The following NLGN1 variants were observed in gnomAD, a reference collection of about 807,000 sequenced individuals.
NLGN1 encodes the protein neuroligin 1, also known as neuroligin-1.
NLGN1 carries 12 observed loss-of-function variants against 65.5 expected under a neutral mutation model. That is an observed-to-expected ratio of 0.18 (90% CI 0.12 to 0.30). The LOEUF is 0.30. NLGN1 is among the 10% of genes least tolerant of loss of function. The pLI is 1.00. For missense variants in NLGN1, 750 were observed against 1,007.1 expected, an observed-to-expected ratio of 0.74 and a Z score of 3.46; for synonymous variants, 350 against 359.5, an observed-to-expected ratio of 0.97 and a Z score of 0.30.
chr3:174,287,499 A>G (rs1245478628), downstream of NLGN1, among the ~76,000 whole-genome samples: 1 of 151,564 alleles, frequency 6.6e-6, no homozygotes, highest in Non-Finnish European at 1.5e-5. Context: ...GTGTTGTTTG[A>G]TATGATTACT....
At chr3:174,078,732 C>T (rs1169909727) in intron 4 of NLGN1, among the ~76,000 whole-genome samples, 1 of 152,068 alleles carries the variant, frequency 6.6e-6, no homozygotes, top group African/African-American at 2.4e-5. Flanking sequence ...CTGTTTTACG[C>T]CATAGTCTCT....
intron 4 of NLGN1, among the ~76,000 whole-genome samples, chr3:173,998,062 A>C (rs755371782): frequency 3.3e-5 from 5 of 152,154 alleles, no homozygotes; most frequent in Admixed American, 6.6e-5. Flanking sequence ...TAACCTTCAC[A>C]GTCTGCAAAA....
chr3:174,292,756 G>A, the NLGN1 span, among the ~76,000 whole-genome samples: 3 of 151,472 alleles, frequency 2.0e-5, no homozygotes, highest in East Asian at 5.8e-4. Flanking sequence ...CAATGAATCA[G>A]TGGATCTAGG....
At chr3:173,570,640 C>T in intron 2 of NLGN1, among the ~76,000 whole-genome samples, 1 of 152,096 alleles carries the variant, frequency 6.6e-6, no homozygotes, top group Admixed American at 6.6e-5. Context: ...GCTCTTTGTC[C>T]CCTGCCTCTT....
At chr3:173,764,969 AT>A (rs753326292) in intron 3 of NLGN1, among the ~76,000 whole-genome samples, 1 of 151,894 alleles carries the variant, frequency 6.6e-6, no homozygotes, top group Non-Finnish European at 1.5e-5. Flanking sequence ...GAAAGAAAAT[AT>A]TTTTATGTCC....
At chr3:174,045,159 A>G (rs1733273798) in intron 4 of NLGN1, among the ~76,000 whole-genome samples, 1 of 152,190 alleles carries the variant, frequency 6.6e-6, no homozygotes, top group African/African-American at 2.4e-5. Context: ...CTACCCAGTA[A>G]CAATTGACTG....
chr3:173,757,938 T>C (rs1282083082), intron 3 of NLGN1, among the ~76,000 whole-genome samples: 2 of 151,994 alleles, frequency 1.3e-5, no homozygotes, highest in Admixed American at 6.6e-5. Flanking sequence ...CATGGGAAGA[T>C]GGATGCTATG....
chr3:173,549,049 T>G (rs2149258118), intron 2 of NLGN1, among the ~76,000 whole-genome samples: 1 of 152,164 alleles, frequency 6.6e-6, no homozygotes, highest in South Asian at 2.1e-4. Context: ...TTACCACAAT[T>G]GCTTTCATTT....
chr3:174,293,292 G>C, the NLGN1 span, among the ~76,000 whole-genome samples: 1 of 151,264 alleles, frequency 6.6e-6, no homozygotes, highest in Non-Finnish European at 1.5e-5. Flanking sequence ...TCCTTATGAT[G>C]ATGTTTTAAA....
chr3:173,525,187 T>C (rs1735421989), intron 2 of NLGN1, among the ~76,000 whole-genome samples: 1 of 152,180 alleles, frequency 6.6e-6, no homozygotes. Flanking sequence ...CTTTTATGTC[T>C]GGTAGAGTTT....
At chr3:173,633,486 T>C (rs761683463) in intron 3 of NLGN1, among the ~76,000 whole-genome samples, 2 of 152,168 alleles carry the variant, frequency 1.3e-5, no homozygotes, top group Non-Finnish European at 2.9e-5. Flanking sequence ...TTACAACTGA[T>C]CTTTAAGAAA....
At chr3:173,656,144 T>C (rs1201690217) in intron 3 of NLGN1, among the ~76,000 whole-genome samples, 1 of 152,152 alleles carries the variant, frequency 6.6e-6, no homozygotes, top group Non-Finnish European at 1.5e-5. Flanking sequence ...GGATATTTCC[T>C]GTCATAGCTG....
At chr3:173,566,962 A>G (rs966494157) in intron 2 of NLGN1, among the ~76,000 whole-genome samples, 2 of 152,136 alleles carry the variant, frequency 1.3e-5, no homozygotes, top group Non-Finnish European at 2.9e-5. Flanking sequence ...TCTGTTATCA[A>G]ATGGTACCAT....
At chr3:173,726,972 A>G (rs866548563) in intron 3 of NLGN1, among the ~76,000 whole-genome samples, 65 of 152,158 alleles carry the variant, frequency 4.3e-4, no homozygotes, top group African/African-American at 1.5e-3. Context: ...AGAAGAAGAA[A>G]AAATAATCAA....
chr3:174,117,606 G>GA lies in NLGN1; in HGVS notation c.647-157696dup, dbSNP rs537054381. Among the ~76,000 whole-genome samples, 228 of 128,194 alleles carry GA rather than the reference G, an allele frequency of 1.8e-3. 1 individual carries two copies. In the South Asian group the frequency reaches 0.026, roughly 14 times the overall value. 84.1% of individuals were successfully genotyped at this position (128,194 alleles called of 152,430 possible). Reference sequence around the variant, plus strand: ...ACTGCACTCCAGCCTGGGCAATAGAGAAAAAAAAAAAAAGGAAGAAAAATC... The same window carrying GA: ...ACTGCACTCCAGCCTGGGCAATAGAGAAAAAAAAAAAAAAGGAAGAAAAATC... On this transcript the variant is annotated intron_variant, in intron 4 of 6. Transcript: ENST00000457714.
intron 4 of NLGN1, among the ~76,000 whole-genome samples, chr3:174,172,063 T>C (rs1728645643): frequency 6.6e-6 from 1 of 152,116 alleles, no homozygotes; most frequent in African/African-American, 2.4e-5. Flanking sequence ...GTTTTCTCTA[T>C]TTCTCCAGTT....
chr3:173,924,013 A>G (rs931799830), intron 4 of NLGN1, among the ~76,000 whole-genome samples: 3 of 152,144 alleles, frequency 2.0e-5, no homozygotes, highest in Non-Finnish European at 2.9e-5. Flanking sequence ...TAAGCATAAA[A>G]TCTATGTTTA....
intron 2 of NLGN1, among the ~76,000 whole-genome samples, chr3:173,458,263 C>T (rs575364775): frequency 5.9e-5 from 9 of 151,756 alleles, no homozygotes; most frequent in African/African-American, 1.9e-4. Flanking sequence ...TTTTCTTTTG[C>T]TTTGTTTTGT....
intron 3 of NLGN1, among the ~76,000 whole-genome samples, chr3:173,783,011 A>AATAG (rs1553848337): frequency 6.6e-6 from 1 of 151,734 alleles, no homozygotes; most frequent in Non-Finnish European, 1.5e-5. Context: ...AGAGGGAATA[A>AATAG]ATATATATGT....
Sources: allele counts gnomAD v4.1 joint callset (sites outside exome capture counted in the v4.1 genomes callset), GRCh38; gene constraint gnomAD v4.1.1; transcripts MANE v1.5; gene names NCBI Gene and HGNC (gene_info 2026-07-23, HGNC 2026-07-21).